BABAM2: variants seen among roughly 807,000 people sequenced by gnomAD.
BABAM2 encodes BRISC and BRCA1-A complex member 2.
Under a neutral mutation model 54.7 loss-of-function variants are expected in BABAM2, and 31 were observed. The observed-to-expected ratio is 0.57, with a 90% CI of 0.43 to 0.77. The LOEUF (loss-of-function observed/expected upper bound fraction) is 0.77. Among genes scored for constraint, BABAM2 ranks in the 30% least tolerant of loss-of-function variants. The pLI, the probability that BABAM2 is intolerant of heterozygous loss-of-function variation, is 0.00. For missense variants in BABAM2, 364 were observed against 455.8 expected, an observed-to-expected ratio of 0.80 and a Z score of 1.83; for synonymous variants, 167 against 162.9, an observed-to-expected ratio of 1.03 and a Z score of -0.19.
At chr2:28,310,645 A>T (rs759290794) in intron 11 of BABAM2, among the ~76,000 whole-genome samples, 34 of 152,050 alleles carry the variant, frequency 2.2e-4, no homozygotes, top group South Asian at 1.0e-3. Flanking sequence ...GCACTTTGGG[A>T]GGCCGAGGCA....
intron 7 of BABAM2, among the ~76,000 whole-genome samples, chr2:28,207,987 A>G (rs1414734990): frequency 1.3e-5 from 2 of 151,998 alleles, no homozygotes; most frequent in Non-Finnish European, 2.9e-5. Context: ...CATATTTCCT[A>G]AGCATTTCAT....
At chr2:28,105,874 T>G in intron 6 of BABAM2, among the ~76,000 whole-genome samples, 1 of 152,064 alleles carries the variant, frequency 6.6e-6, no homozygotes, top group South Asian at 2.1e-4. Flanking sequence ...CAACTTAGTA[T>G]AAATATGTAC....
intron 4 of BABAM2, among the ~76,000 whole-genome samples, chr2:28,013,750 G>A (rs1674588172): frequency 7.2e-6 from 1 of 139,560 alleles, no homozygotes; most frequent in Non-Finnish European, 1.5e-5. Flanking sequence ...TGTACACGTG[G>A]CTCACAGTGA....
At chr2:28,332,507 G>A (rs940916526) in intron 11 of BABAM2, among the ~76,000 whole-genome samples, 3 of 152,150 alleles carry the variant, frequency 2.0e-5, no homozygotes, top group Admixed American at 6.5e-5. Context: ...GCCAGGGCCC[G>A]GGCTAGAGCT....
chr2:28,228,867 G>A (rs1433562514), intron 7 of BABAM2, among the ~76,000 whole-genome samples: 1 of 152,192 alleles, frequency 6.6e-6, no homozygotes, highest in Non-Finnish European at 1.5e-5. Flanking sequence ...GCTTGTTTGA[G>A]ATGTTAACAA....
rs143480752 is a variant in BABAM2 at position 28,169,707 on chromosome 2, T to C, written c.680+40327T>C. Among the ~76,000 whole-genome samples the C allele has an allele frequency of 1.8e-3, 271 of 150,432 alleles. 5 individuals carry two copies. The East Asian group carries it at 0.025, about 14-fold the overall frequency. ...AGGAGGATCACTTGAGTCCAAGAGG[T>C]CAAGGCTGCTATGAGCTGTGATTGT... On this transcript the variant is annotated intron_variant, in intron 7 of 11. Coordinates refer to ENST00000379624, the MANE Select transcript of BABAM2 (RefSeq NM_199191.3).
At chr2:28,022,434 C>T (rs920266848) in intron 4 of BABAM2, among the ~76,000 whole-genome samples, 4 of 152,174 alleles carry the variant, frequency 2.6e-5, no homozygotes, top group African/African-American at 7.2e-5. Context: ...AAAGAATTGG[C>T]GTGATACCTT....
intron 7 of BABAM2, among the ~76,000 whole-genome samples, chr2:28,156,395 T>C (rs1672548004): frequency 1.3e-5 from 2 of 152,214 alleles, no homozygotes; most frequent in South Asian, 2.1e-4. Context: ...CTTGAGACCA[T>C]GTATTATTTA....
intron 8 of BABAM2, among the ~76,000 whole-genome samples, chr2:28,240,981 A>C (rs1682372368): frequency 6.6e-6 from 1 of 152,176 alleles, no homozygotes; most frequent in Non-Finnish European, 1.5e-5. Flanking sequence ...ACAGGGTACT[A>C]GATGAATTCA....
At chr2:28,190,329 A>C (rs1676762617) in intron 7 of BABAM2, among the ~76,000 whole-genome samples, 1 of 152,114 alleles carries the variant, frequency 6.6e-6, no homozygotes, top group South Asian at 2.1e-4. Flanking sequence ...ATGAGGACTC[A>C]CTTCTTTCAT....
intron 6 of BABAM2, among the ~76,000 whole-genome samples, chr2:28,066,208 G>A (rs1663551102): frequency 6.6e-6 from 1 of 150,914 alleles, no homozygotes; most frequent in Admixed American, 6.6e-5. Context: ...AAAAAAAACA[G>A]CCACGATAAT....
At chr2:27,985,304 T>G in intron 3 of BABAM2, among the ~76,000 whole-genome samples, 1 of 152,190 alleles carries the variant, frequency 6.6e-6, no homozygotes, top group East Asian at 1.9e-4. Flanking sequence ...ATCTCCACAC[T>G]GTTTTCCATA....
chr2:28,100,781 T>G (rs1035562313), intron 6 of BABAM2, among the ~76,000 whole-genome samples: 1 of 152,182 alleles, frequency 6.6e-6, no homozygotes, highest in Non-Finnish European at 1.5e-5. Context: ...AAGTGTGGGC[T>G]GTTGGTCCAT....
At position 28,111,060 on chromosome 2, in the gene BABAM2, C is replaced by G. The variant is rs948415772; in HGVS notation, c.571-18211C>G. Reference sequence around the variant, plus strand: ...CTCGGCTCACTGCAACCTCCGCCTCCTGGGTTCAAGCAGTTCTCCTGCCTC... The same window carrying G: ...CTCGGCTCACTGCAACCTCCGCCTCGTGGGTTCAAGCAGTTCTCCTGCCTC... On this transcript the variant is annotated intron_variant, in intron 6 of 11. Coordinates refer to ENST00000379624, the MANE Select transcript of BABAM2 (RefSeq NM_199191.3). Among the ~76,000 whole-genome samples, 6 of 151,632 alleles carry G rather than the reference C, an allele frequency of 4.0e-5. No homozygotes were observed. In the East Asian group the frequency reaches 1.2e-3, roughly 29 times the overall value.
At chr2:28,271,304 G>C (rs1034059178) in intron 10 of BABAM2, among the ~76,000 whole-genome samples, 3 of 152,066 alleles carry the variant, frequency 2.0e-5, no homozygotes, top group Non-Finnish European at 4.4e-5. Context: ...TAGGCCTCAG[G>C]CTGGACAAGA....
intron 6 of BABAM2, among the ~76,000 whole-genome samples, chr2:28,067,132 A>G (rs1214601589): frequency 6.6e-6 from 1 of 152,086 alleles, no homozygotes; most frequent in Admixed American, 6.5e-5. Flanking sequence ...GCGTTTCACC[A>G]TGTTGGCCAG....
At chr2:28,288,334 T>C (rs542879228) in intron 10 of BABAM2, among the ~76,000 whole-genome samples, 20 of 151,018 alleles carry the variant, frequency 1.3e-4, no homozygotes, top group East Asian at 5.8e-4. Flanking sequence ...CTTTTCTTTT[T>C]TTTTTTTTTT....
chr2:28,013,667 A>T (rs1252459524), intron 4 of BABAM2, among the ~76,000 whole-genome samples: 84 of 13,966 alleles, frequency 6.0e-3, no homozygotes, highest in African/African-American at 0.016. Context: ...CCAGCAAGTA[A>T]AAAAAAAAAA....
intron 10 of BABAM2, among the ~76,000 whole-genome samples, chr2:28,290,538 G>A (rs569839656): frequency 6.6e-6 from 1 of 152,310 alleles, no homozygotes; most frequent in African/African-American, 2.4e-5. Context: ...TAATTTGCAT[G>A]TGCTTTATAT....
Sources: allele counts gnomAD v4.1 joint callset (sites outside exome capture counted in the v4.1 genomes callset), GRCh38; gene constraint gnomAD v4.1.1; transcripts MANE v1.5; gene names NCBI Gene and HGNC (gene_info 2026-07-23, HGNC 2026-07-21).